Variants in PHKB observed in about 807,000 individuals in gnomAD.
The protein encoded by PHKB is phosphorylase b kinase regulatory subunit beta.
In PHKB, 122 loss-of-function variants were observed where a neutral mutation model predicts 152.1. The ratio of observed to expected loss-of-function variants is 0.80; its 90% CI spans 0.69 to 0.93. The LOEUF (loss-of-function observed/expected upper bound fraction) is 0.93, where lower values mean the gene tolerates loss of function less well. Ranked by LOEUF, PHKB falls within the 40% of genes least tolerant of loss-of-function variation. PHKB has a pLI of 0.00. For missense variants in PHKB, 1,304 were observed against 1,328.4 expected (o/e 0.98, Z 0.29); for synonymous variants, 436 against 464.9 (o/e 0.94, Z 0.80).
chr16:47,630,990 C>G (rs1468938387), intron 14 of PHKB, among the ~76,000 whole-genome samples: 2 of 152,136 alleles, frequency 1.3e-5, no homozygotes, highest in South Asian at 2.1e-4. Flanking sequence ...TGTCTGCCTT[C>G]CTGGGTTTAG....
At chr16:47,625,628 C>G (rs1972695969) in intron 14 of PHKB, among the ~76,000 whole-genome samples, 1 of 152,178 alleles carries the variant, frequency 6.6e-6, no homozygotes, top group Non-Finnish European at 1.5e-5. Context: ...TAATGACACC[C>G]TCTAAGAGTT....
chr16:47,495,559 A>G (rs978296184), intron 1 of PHKB, among the ~76,000 whole-genome samples: 1 of 152,182 alleles, frequency 6.6e-6, no homozygotes, highest in Non-Finnish European at 1.5e-5. Flanking sequence ...TTATATATAC[A>G]TATGCACAAT....
chr16:47,628,229 G>A (rs1218654834), intron 14 of PHKB, among the ~76,000 whole-genome samples: 1 of 152,064 alleles, frequency 6.6e-6, no homozygotes, highest in African/African-American at 2.4e-5. Flanking sequence ...GCAATATAGG[G>A]CATATTAAAA....
At chr16:47,493,435 G>A (rs1236177155) in intron 1 of PHKB, among the ~76,000 whole-genome samples, 2 of 152,130 alleles carry the variant, frequency 1.3e-5, no homozygotes, top group Admixed American at 6.5e-5. Flanking sequence ...TTTTAAAATT[G>A]AGAGTACAGA....
At chr16:47,635,034 A>G (rs1972893603) in intron 14 of PHKB, among the ~76,000 whole-genome samples, 1 of 152,306 alleles carries the variant, frequency 6.6e-6, no homozygotes, top group Admixed American at 6.5e-5. Context: ...TAAGTAGACC[A>G]GTTACTTAAC....
intron 6 of PHKB, among the ~76,000 whole-genome samples, chr16:47,516,388 A>G (rs1970597960): frequency 6.6e-6 from 1 of 152,214 alleles, no homozygotes; most frequent in Non-Finnish European, 1.5e-5. Context: ...GGAAAATTGT[A>G]AAGAATTCAT....
At chr16:47,502,116 T>C (rs1970333772) in intron 3 of PHKB, among the ~76,000 whole-genome samples, 1 of 152,210 alleles carries the variant, frequency 6.6e-6, no homozygotes, top group South Asian at 2.1e-4. Context: ...AATTATAATA[T>C]ACTTTTTAAG....
chr16:47,661,309 G>A (rs1973439896), intron 22 of PHKB, among the ~76,000 whole-genome samples: 1 of 152,094 alleles, frequency 6.6e-6, no homozygotes, highest in Non-Finnish European at 1.5e-5. Flanking sequence ...ACAACAGTTT[G>A]CTAGCAACAT....
Position 47,524,595 on chromosome 16 carries a change from C to A in PHKB, c.594+8994C>A, listed in dbSNP as rs540894751. Among the ~76,000 whole-genome samples, 87 of 152,242 alleles carry A rather than the reference C, an allele frequency of 5.7e-4. 2 individuals are homozygous for A. In the South Asian group the frequency reaches 0.013, roughly 22 times the overall value. ...ACCAGCCTGGCCAACATAGTGAAAC[C>A]CTGTATCTACTAAAAATACAAAAAT... On this transcript the variant is annotated intron_variant, in intron 6 of 30. Coordinates refer to ENST00000323584, the MANE Select transcript of PHKB (RefSeq NM_000293.3).
At chr16:47,581,772 C>T (rs191605359) in intron 8 of PHKB, among the ~76,000 whole-genome samples, 20 of 152,274 alleles carry the variant, frequency 1.3e-4, no homozygotes, top group Non-Finnish European at 1.9e-4. Flanking sequence ...CTCCGCCTCC[C>T]GGGTTCAAGC....
chr16:47,476,183 C>T (rs1444299900), intron 1 of PHKB, among the ~76,000 whole-genome samples: 1 of 152,130 alleles, frequency 6.6e-6, no homozygotes, highest in East Asian at 1.9e-4. Flanking sequence ...AAGGCCTTAA[C>T]TTTCATTTGT....
rs563392233 is a variant in PHKB, at chr16:47,502,964, G to A, written c.306-27G>A. On this transcript the variant is annotated intron_variant, in intron 3 of 30. Coordinates refer to ENST00000323584, the MANE Select transcript of PHKB (RefSeq NM_000293.3). Reference sequence around the variant, plus strand: ...TCCTTTTCAAATGCATTTCCAATTAGTTTCATGAGTTATCTCTCTCACCCA... The same window carrying A: ...TCCTTTTCAAATGCATTTCCAATTAATTTCATGAGTTATCTCTCTCACCCA... 41 of 1,445,546 alleles carry A rather than the reference G, an allele frequency of 2.8e-5. No homozygotes were observed. In the East Asian group the frequency reaches 8.4e-4, roughly 30 times the overall value. 89.5% of individuals were successfully genotyped at this position (1,445,546 alleles called of 1,614,324 possible).
intron 29 of PHKB, among the ~76,000 whole-genome samples, chr16:47,697,290 C>T (rs1974164835): frequency 6.6e-6 from 1 of 152,160 alleles, no homozygotes; most frequent in South Asian, 2.1e-4. Context: ...GAGCTGCAGT[C>T]AGAGCTGAGT....
At chr16:47,511,809 A>G in intron 5 of PHKB, 37 bp downstream of exon 5, 1 of 1,304,146 alleles carries the variant, frequency 7.7e-7, no homozygotes, top group Non-Finnish European at 1.1e-6. Flanking sequence ...TCCTTATATT[A>G]TATAGCATAG....
At chr16:47,646,775 A>G (rs1973136293) in intron 16 of PHKB, among the ~76,000 whole-genome samples, 3 of 152,038 alleles carry the variant, frequency 2.0e-5, no homozygotes, top group South Asian at 2.1e-4. Context: ...ACCTCACATT[A>G]CATTTCAAAG....
At chr16:47,667,434 G>T (rs761854020) in intron 25 of PHKB, among the ~76,000 whole-genome samples, 2 of 151,868 alleles carry the variant, frequency 1.3e-5, no homozygotes, top group Non-Finnish European at 2.9e-5. Context: ...GTCGTTTAAA[G>T]AAATTAAAAA....
chr16:47,674,176 T>C (rs1453953665), intron 26 of PHKB, among the ~76,000 whole-genome samples: 2 of 152,116 alleles, frequency 1.3e-5, no homozygotes, highest in African/African-American at 4.8e-5. Context: ...TTTCGTCTTT[T>C]GTCTGCCAGG....
At chr16:47,603,677 G>A (rs1229442822) in intron 13 of PHKB, among the ~76,000 whole-genome samples, 1 of 151,778 alleles carries the variant, frequency 6.6e-6, no homozygotes, top group East Asian at 1.9e-4. Flanking sequence ...CTAATTTTTT[G>A]TATTTTTATT....
At chr16:47,504,112 T>C (rs1003520102) in intron 4 of PHKB, among the ~76,000 whole-genome samples, 1 of 152,158 alleles carries the variant, frequency 6.6e-6, no homozygotes, top group Non-Finnish European at 1.5e-5. Flanking sequence ...GTTTATTACA[T>C]GAGAGGAGAC....
Sources: gnomAD v4.1 joint callset for allele counts (sites outside exome capture counted in the v4.1 genomes callset) on GRCh38, gnomAD v4.1.1 for gene constraint, MANE v1.5 for transcripts, NCBI Gene and HGNC (gene_info 2026-07-23, HGNC 2026-07-21) for gene names.